DLC1: variants seen among roughly 807,000 people sequenced by gnomAD.
The protein encoded by DLC1 is rho GTPase-activating protein 7.
A neutral mutation model predicts 140.3 loss-of-function variants in DLC1; 54 were observed. The ratio of observed to expected loss-of-function variants is 0.38; its 90% CI spans 0.31 to 0.48. The LOEUF (loss-of-function observed/expected upper bound fraction) is 0.48. DLC1 is among the 20% of genes least tolerant of loss of function. DLC1 has a pLI of 0.96. For synonymous variants in DLC1, 986 were observed against 728.1 expected, an observed-to-expected ratio of 1.35 and a Z score of -5.70; for missense variants, 2,536 against 1,907.0, an observed-to-expected ratio of 1.33 and a Z score of -6.14.
chr8:13,413,270 T>TTTTTTTTTTTTTTTTTTTTTTTTTA, intron 2 of DLC1, among the ~76,000 whole-genome samples: 1 of 139,500 alleles, frequency 7.2e-6, no homozygotes, highest in Non-Finnish European at 1.6e-5. Flanking sequence ...TTTTTTTTTT[T>TTTTTTTTTTTTTTTTTTTTTTTTTA]TTTTTTTAGC....
chr8:13,404,087 T>C (rs1837420299), intron 2 of DLC1, among the ~76,000 whole-genome samples: 1 of 152,112 alleles, frequency 6.6e-6, no homozygotes, highest in Non-Finnish European at 1.5e-5. Flanking sequence ...TGAACACATA[T>C]TCAGTGATTG....
intron 4 of DLC1, among the ~76,000 whole-genome samples, chr8:13,331,487 G>T (rs1167764771): frequency 6.6e-6 from 1 of 152,148 alleles, no homozygotes; most frequent in Non-Finnish European, 1.5e-5. Context: ...AGGATAAATA[G>T]TGTTTTGTTA....
intron 2 of DLC1, among the ~76,000 whole-genome samples, chr8:13,425,416 C>G (rs1339690263): frequency 6.6e-6 from 1 of 152,120 alleles, no homozygotes; most frequent in African/African-American, 2.4e-5. Flanking sequence ...AAAAGGAAAA[C>G]TTGGAAAACA....
intron 5 of DLC1, among the ~76,000 whole-genome samples, chr8:13,279,505 T>C (rs1831290845): frequency 6.6e-6 from 1 of 152,340 alleles, no homozygotes; most frequent in South Asian, 2.1e-4. Context: ...TAAATTTTCT[T>C]GGCAGAGTAT....
chr8:13,261,861 C>T (rs531759069), intron 5 of DLC1, among the ~76,000 whole-genome samples: 1 of 152,252 alleles, frequency 6.6e-6, no homozygotes, highest in Non-Finnish European at 1.5e-5. Context: ...CATGTTTCAG[C>T]ATTTGTAAAA....
intron 5 of DLC1, among the ~76,000 whole-genome samples, chr8:13,270,026 C>T (rs1347662781): frequency 6.8e-6 from 1 of 147,584 alleles, no homozygotes; most frequent in Non-Finnish European, 1.5e-5. Flanking sequence ...CACTGCACTC[C>T]AGCCTGGGCG....
chr8:13,368,807 C>T (rs1225171925), intron 4 of DLC1, among the ~76,000 whole-genome samples: 1 of 152,142 alleles, frequency 6.6e-6, no homozygotes, highest in Non-Finnish European at 1.5e-5. Flanking sequence ...TCTTCCTGCT[C>T]AGTCCATCTC....
chr8:13,479,856 G>A (rs1192354643), intron 2 of DLC1, among the ~76,000 whole-genome samples: 2 of 19,932 alleles, frequency 1.0e-4, no homozygotes, highest in Non-Finnish European at 4.1e-4. Context: ...AGAAGAAGAA[G>A]AAGAGAAAAA....
At chr8:13,515,701 C>T (rs559321342), upstream of DLC1, 2 of 152,306 alleles carry the variant, frequency 1.3e-5, no homozygotes, top group South Asian at 2.1e-4. Flanking sequence ...GAATGACTTC[C>T]TCCTAGCTGC....
chr8:13,165,290 TAAAA>T (rs1825028739), intron 5 of DLC1, among the ~76,000 whole-genome samples: 2 of 152,182 alleles, frequency 1.3e-5, no homozygotes, highest in South Asian at 4.1e-4. Flanking sequence ...AGTGTTCAGT[TAAAA>T]GAAAGAAGGA....
At chr8:13,464,453 A>T (rs1004734522) in intron 2 of DLC1, among the ~76,000 whole-genome samples, 1 of 151,826 alleles carries the variant, frequency 6.6e-6, no homozygotes, top group Non-Finnish European at 1.5e-5. Flanking sequence ...TTTATGGTTA[A>T]ACGCAATCAC....
At chr8:13,383,556 A>C (rs577949768) in intron 4 of DLC1, among the ~76,000 whole-genome samples, 1 of 152,324 alleles carries the variant, frequency 6.6e-6, no homozygotes, top group African/African-American at 2.4e-5. Flanking sequence ...GCACATTGTC[A>C]CATTGTGGTA....
intron 3 of DLC1, among the ~76,000 whole-genome samples, chr8:13,395,122 A>C (rs929128991): frequency 2.9e-5 from 1 of 35,034 alleles, no homozygotes; most frequent in Non-Finnish European, 5.0e-5. Flanking sequence ...TCTCTTTATA[A>C]TTCTTTTTTT....
At chr8:13,525,215 T>C (rs1802882918) in intron 1 of DLC1, among the ~76,000 whole-genome samples, 1 of 152,250 alleles carries the variant, frequency 6.6e-6, no homozygotes, top group South Asian at 2.1e-4. Context: ...TATCACGATT[T>C]ATTTATCCAG....
intron 5 of DLC1, among the ~76,000 whole-genome samples, chr8:13,242,816 G>A (rs1443769302): frequency 6.6e-6 from 1 of 152,036 alleles, no homozygotes; most frequent in Admixed American, 6.6e-5. Flanking sequence ...CCAAGGTTAT[G>A]GAAAATATTA....
chr8:13,492,836 A>G (rs541420073), intron 2 of DLC1, among the ~76,000 whole-genome samples: 1 of 152,330 alleles, frequency 6.6e-6, no homozygotes, highest in South Asian at 2.1e-4. Context: ...TCATGAGACG[A>G]TATATTTGAG....
intron 2 of DLC1, among the ~76,000 whole-genome samples, chr8:13,469,092 T>A (rs1457779277): frequency 6.6e-6 from 1 of 152,204 alleles, no homozygotes; most frequent in Non-Finnish European, 1.5e-5. Flanking sequence ...GTGCTGGGAT[T>A]ACAGGCGTGA....
At chr8:13,240,893 G>C (rs183723174) in intron 5 of DLC1, among the ~76,000 whole-genome samples, 24 of 152,288 alleles carry the variant, frequency 1.6e-4, no homozygotes, top group African/African-American at 5.5e-4. Flanking sequence ...GGTGCTATGT[G>C]TATTAAACTA....
rs58701617 is a variant in DLC1 at position 13,267,729 on chromosome 8, AGTGTGTGTGTGTGT to A, written c.1348+37526_1348+37539del. Among the ~76,000 whole-genome samples, 573 of 140,496 alleles carry A rather than the reference AGTGTGTGTGTGTGT, an allele frequency of 4.1e-3. 2 individuals carry two copies. The highest frequency in any genetic ancestry group is 5.4e-3 in the Non-Finnish European group (346 of 64,524). 92.2% of individuals were successfully genotyped at this position (140,496 alleles called of 152,430 possible). Reference sequence around the variant, plus strand: ...CTTTGAAGTCATGTGATTCCTGAGGAGTGTGTGTGTGTGTGTGTGTGTGTGTGTGTGTGTGTGTG... The same window carrying A: ...CTTTGAAGTCATGTGATTCCTGAGGAGTGTGTGTGTGTGTGTGTGTGTGTG... On this transcript the variant is annotated intron_variant, in intron 5 of 17. Coordinates refer to ENST00000276297, the MANE Select transcript of DLC1 (RefSeq NM_182643.3).
Sources: allele counts gnomAD v4.1 joint callset (sites outside exome capture counted in the v4.1 genomes callset), GRCh38; gene constraint gnomAD v4.1.1; transcripts MANE v1.5; gene names NCBI Gene and HGNC (gene_info 2026-07-23, HGNC 2026-07-21).